NSMCE4A: variants seen among roughly 807,000 people sequenced by gnomAD.
The protein encoded by NSMCE4A is NSE4A component of SMC5/6 complex.
NSMCE4A carries 40 observed loss-of-function variants against 47.9 expected under a neutral mutation model. The ratio of observed to expected loss-of-function variants is 0.83; its 90% CI spans 0.65 to 1.09. NSMCE4A has a LOEUF of 1.09. Among genes scored for constraint, NSMCE4A ranks in the 50% least tolerant of loss-of-function variants. NSMCE4A has a pLI of 0.00. For synonymous variants in NSMCE4A, 166 were observed against 178.5 expected (o/e 0.93, Z 0.56); for missense variants, 500 against 507.0 (o/e 0.99, Z 0.13).
At position 121,974,851 on chromosome 10, in the gene NSMCE4A, G is replaced by A. The variant is rs1396777392; in HGVS notation, c.292+23C>T. ...GGGACAGCGGCCCGTCCGGGCCCGC[G>A]CCGCCCGGAGGCGCCGCCTTACGTT... is the stretch of plus-strand genomic sequence containing the variant. On this transcript the variant is annotated intron_variant, in intron 1 of 10. Transcript: ENST00000369023. 8.3e-6 allele frequency: 12 copies of A among 1,440,860 alleles called. No individual in the cohort carries two copies. In the East Asian group the frequency reaches 1.2e-4, roughly 15 times the overall value. 89.3% of individuals were successfully genotyped at this position (1,440,860 alleles called of 1,614,324 possible).
chr10:121,974,455 G>A, intron 1 of NSMCE4A: 1 of 1,011,646 alleles, frequency 9.9e-7, no homozygotes, highest in Non-Finnish European at 1.2e-6. Flanking sequence ...CGCGGGTCCG[G>A]GTGGGGTCCG....
At chr10:121,959,959 G>A (rs1372560040) in intron 8 of NSMCE4A, 3 of 311,130 alleles carry the variant, frequency 9.6e-6, no homozygotes, top group East Asian at 7.5e-5. Context: ...GACCTTAGGA[G>A]GACATGAGTA....
At position 121,974,997 on chromosome 10, in the gene NSMCE4A, C is replaced by T; in HGVS notation, c.169G>A (p.Asp57Asn). 4 of 1,514,260 alleles carry T rather than the reference C, an allele frequency of 2.6e-6. No homozygotes were observed. The highest frequency in any genetic ancestry group is 1.2e-5 in the South Asian group (1 of 80,766). The allele number at this position is 1,514,260 out of a possible 1,614,324, so 93.8% of individuals were successfully genotyped here. A position where few individuals can be genotyped will look rare whatever the true frequency, so the allele number is the denominator to read the frequency against. ...TCCCCGGAATCCGACGGCTCTGTGT[C>T]CTCCAGGCTCGGGCGCTCTGGGGCC... ...REAPERPSLE[D>N]TEPSDSGDEM... Residue 57 changes from aspartate to asparagine, a missense_variant, in exon 1 of 11, where the codon GAC (aspartate) becomes AAC (asparagine). Physicochemically the swap from Asp to Asn is conservative, Grantham distance 23 (BLOSUM62 1). Coordinates refer to ENST00000369023, the MANE Select transcript of NSMCE4A (RefSeq NM_017615.3).
chr10:121,960,491 A>T lies in NSMCE4A; in HGVS notation c.940-85T>A. The T allele has an allele frequency of 1.1e-6, 1 of 918,946 alleles. No individual in the cohort carries two copies. The highest frequency in any genetic ancestry group is 2.5e-4 in the Middle Eastern group (1 of 3,974). The allele number at this position is 918,946 out of a possible 1,614,324, so 56.9% of individuals were successfully genotyped here. The stretch of plus-strand genomic sequence containing the variant: ...CTAGATGGAAAAAATTACTCAGAAA[A>T]TTCAGTATCTCAGAAAATCAAATTA... On this transcript the variant is annotated intron_variant, in intron 7 of 10. Coordinates refer to ENST00000369023, the MANE Select transcript of NSMCE4A (RefSeq NM_017615.3). The surrounding 1 kb of genome is among the most constrained non-coding windows in gnomAD (Gnocchi z 4.2).
intron 4 of NSMCE4A, chr10:121,965,890 C>T (rs1472684264): frequency 6.5e-6 from 1 of 152,914 alleles, no homozygotes; most frequent in Non-Finnish European, 1.5e-5. Context: ...CTCATGCAGA[C>T]TTGGGTTACA....
intron 1 of NSMCE4A, chr10:121,974,285 GA>G (rs1441792044): frequency 7.2e-7 from 1 of 1,395,086 alleles, no homozygotes; most frequent in African/African-American, 1.4e-5. Flanking sequence ...ATTTTAAAAG[GA>G]AACCCTAGCT....
rs1590780370 is a variant in NSMCE4A, at chr10:121,963,439, T to G, written c.754-111A>C. The G allele has an allele frequency of 4.9e-6, 3 of 606,348 alleles. No homozygotes were observed. The East Asian group carries it at 8.5e-5, about 17-fold the overall frequency. 37.6% of individuals were successfully genotyped at this position (606,348 alleles called of 1,614,324 possible). A position where few individuals can be genotyped will look rare whatever the true frequency, so the allele number is the denominator to read the frequency against. ...TTCTCTCTTGCACACCCGAACTCTTTTTTTTTTTTGAGACAGGGTCTTGCT... is the reference window on the plus strand; with the variant it reads ...TTCTCTCTTGCACACCCGAACTCTTGTTTTTTTTTGAGACAGGGTCTTGCT... On this transcript the variant is annotated intron_variant, in intron 5 of 10. Coordinates refer to ENST00000369023, the MANE Select transcript of NSMCE4A (RefSeq NM_017615.3).
intron 3 of NSMCE4A, 112 bp downstream of exon 3, chr10:121,970,827 G>T: frequency 2.0e-6 from 2 of 977,784 alleles, no homozygotes; most frequent in Non-Finnish European, 2.9e-6. Flanking sequence ...AGGAATCTGA[G>T]ACCAAAAAAG....
At position 121,959,339 on chromosome 10, in the gene NSMCE4A, A is replaced by C; in HGVS notation, c.1155T>G (p.Ala385=). Residue 385 remains alanine, a synonymous_variant, in exon 10 of 11, where the codon GCT becomes GCG. Transcript: ENST00000369023. ...TPSQRQQKPS[A] ...AAAAGGTTACCTTCAGCTAGCATCA[A>C]GCACTTGGCTTCTGCTGCCTCTGAC... 6.2e-7 allele frequency: 1 copy of C among 1,614,108 alleles called. No homozygotes were observed. Among genetic ancestry groups the C allele is most frequent in the South Asian group, 1.1e-5 (1 of 91,084 alleles).
At chr10:121,962,545 T>C (rs946262626) in intron 6 of NSMCE4A, among the ~76,000 whole-genome samples, 13 of 151,834 alleles carry the variant, frequency 8.6e-5, no homozygotes, top group African/African-American at 3.1e-4. Context: ...TGTGGAAGAA[T>C]GTCCACATGG....
chr10:121,959,311 T>C lies in NSMCE4A; in HGVS notation c.*12+13A>G, dbSNP rs78902663. 2,827 of 1,603,116 alleles carry C rather than the reference T, an allele frequency of 1.8e-3. 8 individuals carry two copies. The highest frequency in any genetic ancestry group is 0.011 in the African/African-American group (851 of 74,808). ...TTAATAGAACTGTGTAGCCATCCCA[T>C]TGAAAAGGTTACCTTCAGCTAGCAT... On this transcript the variant is annotated intron_variant, in intron 10 of 10. Transcript: ENST00000369023.
In NSMCE4A at chr10:121,974,838, C is replaced by G. The variant is rs1344399993; in HGVS notation, c.292+36G>C. 5.2e-6 allele frequency: 7 copies of G among 1,358,374 alleles called. No individual in the cohort carries two copies. In the African/African-American group the frequency reaches 7.6e-5, roughly 15 times the overall value. The allele number at this position is 1,358,374 out of a possible 1,614,324, so 84.1% of individuals were successfully genotyped here. A position where few individuals can be genotyped will look rare whatever the true frequency, so the allele number is the denominator to read the frequency against. ...CCGGCGCAGGGCGGGGACAGCGGCC[C>G]GTCCGGGCCCGCGCCGCCCGGAGGC... On this transcript the variant is annotated intron_variant, in intron 1 of 10. Transcript: ENST00000369023.
intron 2 of NSMCE4A, among the ~76,000 whole-genome samples, chr10:121,973,007 C>T (rs1952744731): frequency 6.6e-6 from 1 of 152,100 alleles, no homozygotes; most frequent in Non-Finnish European, 1.5e-5. Context: ...GAGGCGGAGG[C>T]AGGTGGATTA....
chr10:121,961,545 G>T, intron 6 of NSMCE4A, 28 bp from the exon 7 acceptor site: 8 of 1,438,636 alleles, frequency 5.6e-6, no homozygotes, highest in Non-Finnish European at 7.5e-6. Context: ...AAAAAAAATT[G>T]ATTTTTGCTT....
chr10:121,959,215 A>G (rs1952454076), intron 10 of NSMCE4A, 109 bp downstream of exon 10: 2 of 846,416 alleles, frequency 2.4e-6, no homozygotes, highest in Admixed American at 1.8e-5. Flanking sequence ...AGAATGGGGC[A>G]CTACAGGGAG....
Position 121,974,052 on chromosome 10 carries a change from C to T in NSMCE4A, c.322G>A (p.Asp108Asn), listed in dbSNP as rs1327025937. ...TCTTCAAGGACCTCTGTTAATTTGT[C>T]ACCGGCATTCAGTATGTCCTCACGG... ...QNREDILNAG[D>N]KLTEVLEEAN... Residue 108 changes from aspartate to asparagine, a missense_variant, in exon 2 of 11, where the codon GAC (aspartate) becomes AAC (asparagine). By Grantham distance (23) the Asp-to-Asn change is conservative (BLOSUM62 1). Transcript: ENST00000369023. The T allele has an allele frequency of 6.2e-7, 1 of 1,606,256 alleles. No individual in the cohort carries two copies.
chr10:121,974,685 C>G (rs2134801819), intron 1 of NSMCE4A, 189 bp downstream of exon 1: 1 of 1,109,916 alleles, frequency 9.0e-7, no homozygotes, highest in South Asian at 4.4e-5. Flanking sequence ...TCGTACGGCT[C>G]CAGCCACAAA....
Position 121,957,151 on chromosome 10 carries a change from A to G in NSMCE4A, c.*121T>C, listed in dbSNP as rs1176645898. ...GACAACCATGACAAATTTATTAACT[A>G]TCAAAAGCTACATTTTACTAAAAAC... On this transcript the variant is annotated 3_prime_UTR_variant, in exon 11 of 11. Transcript: ENST00000369023. 5 of 152,756 alleles carry G rather than the reference A, an allele frequency of 3.3e-5. No individual in the cohort carries two copies. Among genetic ancestry groups the G allele is most frequent in the South Asian group, 4.1e-4 (2 of 4,824 alleles). The allele number at this position is 152,756 out of a possible 1,614,324, so 9.5% of individuals were successfully genotyped here.
In NSMCE4A at chr10:121,961,424, C is replaced by T. The variant is rs746731350; in HGVS notation, c.938G>A (p.Arg313Gln). Residue 313 changes from arginine (R) to glutamine (Q), a missense_variant and splice_region_variant, in exon 7 of 11, where the codon CGG (arginine) becomes CAG (glutamine). Physicochemically the swap from Arg to Gln is conservative, Grantham distance 43. Coordinates refer to ENST00000369023, the MANE Select transcript of NSMCE4A (RefSeq NM_017615.3). The part of the protein sequence containing the change: ...ENIFHVSFII[R>Q]DGFARIRLDQ... The stretch of plus-strand genomic sequence containing the variant: ...TAGAAAAATAATCTTTAATCTTACC[C>T]GTATAATGAAGGAAACATGAAAGAT... 15 of 1,549,794 alleles carry T rather than the reference C, an allele frequency of 9.7e-6. No individual in the cohort carries two copies. In the East Asian group the frequency reaches 2.1e-4, roughly 22 times the overall value.
Sources: gnomAD v4.1 joint callset for allele counts (sites outside exome capture counted in the v4.1 genomes callset) on GRCh38, gnomAD v4.1.1 for gene constraint, Gnocchi (gnomAD v3.1) non-coding constraint, MANE v1.5 for transcripts, NCBI Gene and HGNC (gene_info 2026-07-23, HGNC 2026-07-21) for gene names.